EPHA4: variants seen among roughly 807,000 people sequenced by gnomAD.
EPHA4 encodes the protein ephrin type-A receptor 4.
Under a neutral mutation model 108.3 loss-of-function variants are expected in EPHA4, and 19 were observed. The ratio of observed to expected loss-of-function variants is 0.18; its 90% CI spans 0.12 to 0.26. The LOEUF (loss-of-function observed/expected upper bound fraction) is 0.26. Ranked by LOEUF, EPHA4 falls within the 10% of genes least tolerant of loss-of-function variation. The pLI is 1.00. For synonymous variants in EPHA4, 449 were observed against 455.5 expected (o/e 0.99, Z 0.18); for missense variants, 917 against 1,254.0 (o/e 0.73, Z 4.06).
chr2:221,430,194 C>T, intron 14 of EPHA4, 43 bp from the exon 15 acceptor site: 2 of 1,552,644 alleles, frequency 1.3e-6, no homozygotes, highest in Non-Finnish European at 1.7e-6. Flanking sequence ...GCCAGGCAAG[C>T]TGCTGTTCAA....
chr2:221,572,346 G>A, upstream of EPHA4: 1 of 1,101,530 alleles, frequency 9.1e-7, no homozygotes, highest in Non-Finnish European at 1.3e-6. Context: ...CCAAGGGGGC[G>A]GGCCCGGCCG....
rs1689712523 is a variant in EPHA4 at position 221,420,165 on chromosome 2, C to T, written c.*1207G>A. The T allele has an allele frequency of 6.6e-6, 1 of 152,590 alleles. No homozygotes were observed. The highest frequency in any genetic ancestry group is 1.5e-5 in the Non-Finnish European group (1 of 68,044). 9.5% of individuals were successfully genotyped at this position (152,590 alleles called of 1,614,324 possible). On this transcript the variant is annotated 3_prime_UTR_variant, in exon 18 of 18. Transcript: ENST00000281821. The stretch of plus-strand genomic sequence containing the variant: ...CTGGTGTCCATAGTAAGACCTGTAG[C>T]ATTTGGTCACTTGCTGCCACACCAA...
chr2:221,477,767 T>G (rs1311476179), intron 5 of EPHA4, among the ~76,000 whole-genome samples: 1 of 152,198 alleles, frequency 6.6e-6, no homozygotes. Context: ...GAATAAGCCT[T>G]ACTTCTTCAG....
chr2:221,554,473 CA>C (rs1459248496), intron 3 of EPHA4, among the ~76,000 whole-genome samples: 1 of 152,072 alleles, frequency 6.6e-6, no homozygotes, highest in Non-Finnish European at 1.5e-5. Context: ...TGGTTTCAAC[CA>C]GAGTTAAGTT....
At chr2:221,454,335 C>T (rs938478879) in intron 8 of EPHA4, among the ~76,000 whole-genome samples, 4 of 151,998 alleles carry the variant, frequency 2.6e-5, no homozygotes, top group Non-Finnish European at 5.9e-5. Context: ...AAAGGCATTG[C>T]TATGACATTG....
chr2:221,551,767 G>T (rs1694167934), intron 3 of EPHA4, among the ~76,000 whole-genome samples: 1 of 152,056 alleles, frequency 6.6e-6, no homozygotes, highest in Admixed American at 6.6e-5. Flanking sequence ...TTCAGTGGTT[G>T]ATTCCAAATC....
intron 5 of EPHA4, among the ~76,000 whole-genome samples, chr2:221,479,862 C>T (rs1041043942): frequency 2.6e-5 from 4 of 152,130 alleles, no homozygotes; most frequent in African/African-American, 9.7e-5. Flanking sequence ...TTTTGAACAG[C>T]TTCCCAGCAT....
Position 221,425,655 on chromosome 2 carries a change from T to G in EPHA4, c.*373A>C. 5.6e-6 allele frequency: 1 copy of G among 177,388 alleles called. No homozygotes were observed. The highest frequency in any genetic ancestry group is 1.2e-5 in the Non-Finnish European group (1 of 84,060). 11.0% of individuals were successfully genotyped at this position (177,388 alleles called of 1,614,324 possible). ...AATTTATGCCACAAACAAAATACAA[T>G]GGTTGTAATTCCAAATGGAGAGAGA... is the stretch of plus-strand genomic sequence containing the variant. On this transcript the variant is annotated 3_prime_UTR_variant, in exon 17 of 18. Transcript: ENST00000281821.
At chr2:221,475,151 G>A (rs1163808886) in intron 5 of EPHA4, among the ~76,000 whole-genome samples, 6 of 152,322 alleles carry the variant, frequency 3.9e-5, no homozygotes, top group South Asian at 4.1e-4. Context: ...GATTACAGGC[G>A]TGAGCCGCTG....
intron 3 of EPHA4, among the ~76,000 whole-genome samples, chr2:221,549,883 C>T (rs1257377258): frequency 6.6e-6 from 1 of 152,094 alleles, no homozygotes; most frequent in African/African-American, 2.4e-5. Context: ...CCCAGCTACT[C>T]GGGAGGCTGA....
intron 9 of EPHA4, among the ~76,000 whole-genome samples, chr2:221,444,759 T>TC (rs1424381823): frequency 7.3e-6 from 1 of 136,304 alleles, no homozygotes; most frequent in Non-Finnish European, 1.6e-5. Flanking sequence ...TTTTTTTTTT[T>TC]TTTTTTTTTT....
chr2:221,571,324 G>A lies in EPHA4; in HGVS notation c.91+834C>T, dbSNP rs906195008. The stretch of plus-strand genomic sequence containing the variant: ...GAAACTAAATGATCACCGCCCCCCC[G>A]CCCCGCCCCACCTCCCGACACAGAC... On this transcript the variant is annotated intron_variant, in intron 1 of 17. Transcript: ENST00000281821. The surrounding 1 kb of genome is among the most constrained non-coding windows in gnomAD (Gnocchi z 6.3). Among the ~76,000 whole-genome samples, 2 of 64,248 alleles carry A rather than the reference G, an allele frequency of 3.1e-5. No individual in the cohort carries two copies. The highest frequency in any genetic ancestry group is 6.4e-5 in the Non-Finnish European group (2 of 31,026). 42.1% of individuals were successfully genotyped at this position (64,248 alleles called of 152,430 possible). A position where few individuals can be genotyped will look rare whatever the true frequency, so the allele number is the denominator to read the frequency against.
At chr2:221,464,392 AG>A (rs1302471181) in intron 5 of EPHA4, among the ~76,000 whole-genome samples, 1 of 152,194 alleles carries the variant, frequency 6.6e-6, no homozygotes, top group Non-Finnish European at 1.5e-5. Flanking sequence ...GTCAAGCATC[AG>A]AATTAAATGC....
intron 11 of EPHA4, among the ~76,000 whole-genome samples, chr2:221,440,175 G>T (rs1340057315): frequency 6.6e-6 from 1 of 152,188 alleles, no homozygotes; most frequent in Admixed American, 6.5e-5. Context: ...TGGGGGAAGG[G>T]AATAGCTTCT....
At chr2:221,506,543 T>G (rs760789735) in intron 3 of EPHA4, among the ~76,000 whole-genome samples, 6 of 152,348 alleles carry the variant, frequency 3.9e-5, no homozygotes, top group Non-Finnish European at 8.8e-5. Flanking sequence ...TATAGATCTC[T>G]GCTTTCTCTT....
intron 3 of EPHA4, among the ~76,000 whole-genome samples, chr2:221,503,996 C>T (rs1488713633): frequency 6.6e-6 from 1 of 152,208 alleles, no homozygotes; most frequent in Non-Finnish European, 1.5e-5. Context: ...TACTTACTAG[C>T]ATCTGAAAAC....
intron 3 of EPHA4, among the ~76,000 whole-genome samples, chr2:221,519,420 G>C (rs1035811887): frequency 4.6e-5 from 7 of 152,154 alleles, no homozygotes; most frequent in Non-Finnish European, 8.8e-5. Flanking sequence ...TCTGTGGAGT[G>C]GAAAACAGAT....
At chr2:221,464,333 C>T (rs1422619322) in intron 5 of EPHA4, among the ~76,000 whole-genome samples, 1 of 152,054 alleles carries the variant, frequency 6.6e-6, no homozygotes, top group East Asian at 1.9e-4. Context: ...AATTCAATAC[C>T]CCAGCTCTGA....
At chr2:221,517,253 A>G (rs1157265095) in intron 3 of EPHA4, among the ~76,000 whole-genome samples, 1 of 152,176 alleles carries the variant, frequency 6.6e-6, no homozygotes, top group Non-Finnish European at 1.5e-5. Context: ...GGAAGAAGAG[A>G]AAGTTGCAGA....
Sources: gnomAD v4.1 joint callset for allele counts (sites outside exome capture counted in the v4.1 genomes callset) on GRCh38, gnomAD v4.1.1 for gene constraint, Gnocchi (gnomAD v3.1) non-coding constraint, MANE v1.5 for transcripts, NCBI Gene and HGNC (gene_info 2026-07-23, HGNC 2026-07-21) for gene names.